Variants in FAXC observed in about 807,000 individuals in gnomAD.
The protein encoded by FAXC is failed axon connections homolog.
In FAXC, 10 loss-of-function variants were observed where a neutral mutation model predicts 41.9. That is an observed-to-expected ratio of 0.24 (90% CI 0.15 to 0.41). The LOEUF (loss-of-function observed/expected upper bound fraction) is 0.41, where lower values mean the gene tolerates loss of function less well. FAXC is among the 10% of genes least tolerant of loss of function. The probability of loss-of-function intolerance (pLI) is 1.00; values close to 1 mark genes in which losing one functional copy is unlikely to be tolerated. For missense variants in FAXC, 399 were observed against 510.9 expected (o/e 0.78, Z 2.11); for synonymous variants, 183 against 183.8 (o/e 1.00, Z 0.03).
At chr6:99,342,860 T>C in intron 2 of FAXC, 38 bp downstream of exon 2, 1 of 1,563,422 alleles carries the variant, frequency 6.4e-7, no homozygotes, top group Non-Finnish European at 8.6e-7. Flanking sequence ...CCCCTGATAC[T>C]GATGTCATAA....
chr6:99,333,311 C>T (rs780930538), intron 3 of FAXC, 40 bp downstream of exon 3: 1 of 1,504,064 alleles, frequency 6.6e-7, no homozygotes, highest in African/African-American at 1.4e-5. Flanking sequence ...GAACCTGGGG[C>T]TTACTTCGAA....
intron 3 of FAXC, among the ~76,000 whole-genome samples, chr6:99,326,380 G>A (rs1169430279): frequency 1.3e-5 from 2 of 152,150 alleles, no homozygotes; most frequent in Non-Finnish European, 2.9e-5. Flanking sequence ...AAAGATTTAT[G>A]GGTAAGGAGA....
intron 4 of FAXC, among the ~76,000 whole-genome samples, chr6:99,297,065 G>A (rs1771526704): frequency 6.6e-6 from 1 of 152,184 alleles, no homozygotes; most frequent in African/African-American, 2.4e-5. Context: ...CCAGACTTGA[G>A]TTCACTGTGA....
intron 1 of FAXC, among the ~76,000 whole-genome samples, chr6:99,345,291 T>C (rs1773553673): frequency 6.6e-6 from 1 of 152,242 alleles, no homozygotes; most frequent in African/African-American, 2.4e-5. Flanking sequence ...TGACAAACTC[T>C]GTTCTAAGCA....
At chr6:99,341,202 A>T (rs553681917) in intron 2 of FAXC, among the ~76,000 whole-genome samples, 38 of 112,600 alleles carry the variant, frequency 3.4e-4, no homozygotes, top group Non-Finnish European at 6.0e-4. Flanking sequence ...AAAAATATCT[A>T]TTAGAAAGCA....
intron 4 of FAXC, among the ~76,000 whole-genome samples, chr6:99,318,975 T>C (rs979132598): frequency 2.6e-5 from 4 of 152,212 alleles, no homozygotes; most frequent in African/African-American, 9.6e-5. Flanking sequence ...TCATTCTTTT[T>C]TGGGAGTGTT....
chr6:99,276,709 G>A lies in FAXC; in HGVS notation c.*4455C>T, dbSNP rs1266002558. 1.3e-5 allele frequency: 2 copies of A among 152,180 alleles called. No homozygotes were observed. Among genetic ancestry groups the A allele is most frequent in the African/African-American group, 4.8e-5 (2 of 41,508 alleles). 9.4% of individuals were successfully genotyped at this position (152,180 alleles called of 1,614,324 possible). A position where few individuals can be genotyped will look rare whatever the true frequency, so the allele number is the denominator to read the frequency against. The stretch of plus-strand genomic sequence containing the variant: ...CTTGGGAACAAGACTCTTTAACTGG[G>A]GTCCATTAACCCCCTGAGGAAACCA... On this transcript the variant is annotated 3_prime_UTR_variant, in exon 6 of 6. Coordinates refer to ENST00000389677, the MANE Select transcript of FAXC (RefSeq NM_032511.4).
chr6:99,339,351 C>T (rs1438378158), intron 2 of FAXC, among the ~76,000 whole-genome samples: 1 of 152,212 alleles, frequency 6.6e-6, no homozygotes, highest in Non-Finnish European at 1.5e-5. Context: ...TGAGGCTCAC[C>T]TCCTTTCTTT....
intron 4 of FAXC, among the ~76,000 whole-genome samples, chr6:99,303,472 T>G (rs1486654884): frequency 6.6e-6 from 1 of 152,194 alleles, no homozygotes; most frequent in Non-Finnish European, 1.5e-5. Context: ...ACCAAGGACG[T>G]GTATAGGTGC....
In FAXC at chr6:99,334,655, T is replaced by G. The variant is rs957448802; in HGVS notation, c.403-1108A>C. ...TTCTCTTGATGCCATCCATATCCTC[T>G]TAATACATCCCTTTCTGGACTCTTG... On this transcript the variant is annotated intron_variant, in intron 2 of 5. Transcript: ENST00000389677. 4.3e-6 allele frequency: 4 copies of G among 927,414 alleles called. No homozygotes were observed. In the African/African-American group the frequency reaches 7.1e-5, roughly 17 times the overall value. The allele number at this position is 927,414 out of a possible 1,614,324, so 57.4% of individuals were successfully genotyped here. A position where few individuals can be genotyped will look rare whatever the true frequency, so the allele number is the denominator to read the frequency against.
At chr6:99,323,418 T>C (rs774009733) in intron 4 of FAXC, 26 bp downstream of exon 4, 15 of 1,570,296 alleles carry the variant, frequency 9.6e-6, no homozygotes, top group African/African-American at 2.7e-5. Context: ...ATAGCAAATA[T>C]AGAAATAGAA....
chr6:99,284,786 C>A (rs569020201), intron 5 of FAXC, among the ~76,000 whole-genome samples: 1 of 151,756 alleles, frequency 6.6e-6, no homozygotes, highest in Non-Finnish European at 1.5e-5. Flanking sequence ...TGGTAGCAGG[C>A]GCCTGTGGTC....
At chr6:99,309,099 T>G (rs1339952636) in intron 4 of FAXC, among the ~76,000 whole-genome samples, 3 of 152,172 alleles carry the variant, frequency 2.0e-5, no homozygotes, top group Non-Finnish European at 2.9e-5. Context: ...GAAAGGGAAG[T>G]GCTGAGCCTT....
chr6:99,308,327 G>A (rs1463982782), intron 4 of FAXC, among the ~76,000 whole-genome samples: 1 of 152,186 alleles, frequency 6.6e-6, no homozygotes, highest in Non-Finnish European at 1.5e-5. Context: ...AGTGATTAAA[G>A]AATCAGAAGA....
At position 99,325,115 on chromosome 6, in the gene FAXC, T is replaced by TA. The variant is rs34347650; in HGVS notation, c.600-1449dup. Among the ~76,000 whole-genome samples, 13 of 151,088 alleles carry TA rather than the reference T, an allele frequency of 8.6e-5. No individual in the cohort carries two copies. In the East Asian group the frequency reaches 1.4e-3, roughly 16 times the overall value. On this transcript the variant is annotated intron_variant, in intron 3 of 5. Transcript: ENST00000389677. ...AATTTTTAAGGTTTGTTTTTTTTTT[T>TA]AAATCAAAGGGGTGAAAAATATTTT...
intron 4 of FAXC, among the ~76,000 whole-genome samples, chr6:99,310,278 A>G (rs922550483): frequency 6.6e-6 from 1 of 152,204 alleles, no homozygotes; most frequent in Non-Finnish European, 1.5e-5. Flanking sequence ...AAAGACTACA[A>G]TGTTCTCCCA....
Position 99,343,058 on chromosome 6 carries a change from A to T in FAXC, c.267-25T>A. 3 of 1,586,734 alleles carry T rather than the reference A, an allele frequency of 1.9e-6. No individual in the cohort carries two copies. In the East Asian group the frequency reaches 6.7e-5, roughly 36 times the overall value. Reference sequence around the variant, plus strand: ...CCTGTCAAAACCAAAACAGAAATAAAGTACAATCCACATGTTATCCACATT... The same window carrying T: ...CCTGTCAAAACCAAAACAGAAATAATGTACAATCCACATGTTATCCACATT... On this transcript the variant is annotated intron_variant, in intron 1 of 5. Coordinates refer to ENST00000389677, the MANE Select transcript of FAXC (RefSeq NM_032511.4).
rs947590319 is a variant in FAXC, at chr6:99,335,552, G to A, written c.403-2005C>T. On this transcript the variant is annotated intron_variant, in intron 2 of 5. Transcript: ENST00000389677. Reference sequence around the variant, plus strand: ...GAAAGTTTTAGGCTATCAGCAAATCGGGCATCAGTTTAAGACTGTGAGGCC... The same window carrying A: ...GAAAGTTTTAGGCTATCAGCAAATCAGGCATCAGTTTAAGACTGTGAGGCC... Among the ~76,000 whole-genome samples the A allele has an allele frequency of 2.0e-5, 3 of 152,222 alleles. No individual in the cohort carries two copies. The East Asian group carries it at 5.8e-4, about 29-fold the overall frequency.
chr6:99,282,784 T>C (rs761239960), intron 5 of FAXC, among the ~76,000 whole-genome samples: 2 of 152,202 alleles, frequency 1.3e-5, no homozygotes, highest in Non-Finnish European at 2.9e-5. Flanking sequence ...AATCCATGTT[T>C]TAGTGCAGAA....
Sources: allele counts gnomAD v4.1 joint callset (sites outside exome capture counted in the v4.1 genomes callset), GRCh38; gene constraint gnomAD v4.1.1; transcripts MANE v1.5; gene names NCBI Gene and HGNC (gene_info 2026-07-23, HGNC 2026-07-21).